PWWP2A: variants seen among roughly 807,000 people sequenced by gnomAD.
PWWP2A encodes the protein PWWP domain-containing protein 2A.
Under a neutral mutation model 48.5 loss-of-function variants are expected in PWWP2A, and 18 were observed. That is an observed-to-expected ratio of 0.37 (90% CI 0.26 to 0.55). The LOEUF is 0.55. Among genes scored for constraint, PWWP2A ranks in the 20% least tolerant of loss-of-function variants. PWWP2A has a pLI of 0.81. For missense variants in PWWP2A, 867 were observed against 976.4 expected (o/e 0.89, Z 1.49); for synonymous variants, 396 against 387.7 (o/e 1.02, Z -0.25).
chr5:160,071,075 G>A (rs200630792), downstream of PWWP2A, among the ~76,000 whole-genome samples: 4 of 152,174 alleles, frequency 2.6e-5, no homozygotes, highest in African/African-American at 7.2e-5. Context: ...TGTAGTCCCA[G>A]CTACTTAGGA....
chr5:160,054,108 C>A, the PWWP2A span, among the ~76,000 whole-genome samples: 1 of 152,044 alleles, frequency 6.6e-6, no homozygotes, highest in Non-Finnish European at 1.5e-5. Context: ...TGGTCCTTTT[C>A]TCTGGGATAA....
At chr5:160,051,106 C>A in the PWWP2A span, 1 of 1,533,324 alleles carries the variant, frequency 6.5e-7, no homozygotes, top group Non-Finnish European at 8.8e-7. Context: ...TTTACCAACC[C>A]TTGTTTCTCC....
intron 1 of PWWP2A, among the ~76,000 whole-genome samples, chr5:160,111,024 A>G (rs1404034201): frequency 4.0e-5 from 6 of 151,066 alleles, no homozygotes; most frequent in African/African-American, 1.5e-4. Flanking sequence ...TATTTTGCCT[A>G]TAATAATCAC....
chr5:160,110,306 A>T (rs1757428264), intron 1 of PWWP2A, among the ~76,000 whole-genome samples: 1 of 152,068 alleles, frequency 6.6e-6, no homozygotes, highest in Non-Finnish European at 1.5e-5. Flanking sequence ...CAACAGTCTG[A>T]CATTTTAACA....
chr5:160,063,216 C>A (rs575983704), intron 5 of PWWP2A, among the ~76,000 whole-genome samples: 24 of 152,276 alleles, frequency 1.6e-4, no homozygotes, highest in South Asian at 4.1e-4. Context: ...TTAGGGAGGC[C>A]TGTAAAATGT....
chr5:160,047,758 CT>C, the PWWP2A span, among the ~76,000 whole-genome samples: 1 of 152,198 alleles, frequency 6.6e-6, no homozygotes, highest in Admixed American at 6.5e-5. Context: ...GTTGGTCCCT[CT>C]TCCTGGCACG....
intron 1 of PWWP2A, among the ~76,000 whole-genome samples, chr5:160,100,525 G>C (rs1756162561): frequency 6.6e-6 from 1 of 152,146 alleles, no homozygotes; most frequent in Non-Finnish European, 1.5e-5. Flanking sequence ...CCTGCACTTT[G>C]GGAGGCCAAG....
chr5:160,072,578 T>C (rs916892971), downstream of PWWP2A, among the ~76,000 whole-genome samples: 7 of 152,024 alleles, frequency 4.6e-5, no homozygotes, highest in Admixed American at 3.9e-4. Flanking sequence ...AATACTTTTT[T>C]TGTTAGCTCG....
chr5:160,046,987 G>A, the PWWP2A span, among the ~76,000 whole-genome samples: 1 of 152,124 alleles, frequency 6.6e-6, no homozygotes, highest in Non-Finnish European at 1.5e-5. Flanking sequence ...ACTCCAGCCT[G>A]GGTGACAGAG....
chr5:160,093,998 T>C lies in PWWP2A; in HGVS notation c.652A>G (p.Met218Val). Reference protein sequence around the residue: ...KREYKDKPEAMPLQSNTFQEG... With the variant: ...KREYKDKPEAVPLQSNTFQEG... Reference sequence around the variant, plus strand: ...TGGAATGTATTACTTTGGAGCGGCATGGCTTCTGGTTTATCCTTATATTCC... The same window carrying C: ...TGGAATGTATTACTTTGGAGCGGCACGGCTTCTGGTTTATCCTTATATTCC... Residue 218 changes from methionine (M) to valine (V), a missense_variant, in exon 2 of 2, where the codon ATG (methionine) becomes GTG (valine). By Grantham distance (21) the Met-to-Val change is conservative (BLOSUM62 1). Coordinates refer to ENST00000307063, the MANE Select transcript of PWWP2A (RefSeq NM_001130864.2). This position sits in a 1 kb window ranked among gnomAD's most constrained non-coding sequence, Gnocchi z 5.8. The C allele has an allele frequency of 1.9e-6, 3 of 1,614,048 alleles. No individual in the cohort carries two copies. The highest frequency in any genetic ancestry group is 1.3e-5 in the African/African-American group (1 of 75,068).
Position 160,093,914 on chromosome 5 carries a change from C to T in PWWP2A, c.736G>A (p.Val246Ile), listed in dbSNP as rs151063519. 2.8e-4 allele frequency: 449 copies of T among 1,614,046 alleles called. 5 individuals carry two copies. The African/African-American group carries it at 5.1e-3, about 18-fold the overall frequency. The change falls in exon 2 of 2, where the codon GTC becomes ATC. Residue 246 changes from valine (V) to isoleucine (I), a missense_variant. By Grantham distance (29) the Val-to-Ile change is conservative (BLOSUM62 3). This residue lies in a region of PWWP2A where 385 missense variants were observed against 396.9 expected (regional missense o/e 0.97). Transcript: ENST00000307063. The surrounding 1 kb of genome is among the most constrained non-coding windows in gnomAD (Gnocchi z 5.8). ...GCCAAGCTCAGCTCGGGATGCGGGA[C>T]AGGAGAAGGGTCATCGGGAACAGCA... Reference protein sequence around the residue: ...NGAVPDDPSPVPHPELSLAES... With the variant: ...NGAVPDDPSPIPHPELSLAES...
At position 160,066,296 on chromosome 5, in the gene PWWP2A, A is replaced by ATTTTTTTTTTTTTTT. The variant is rs59262456; in HGVS notation, c.*236+237_*236+251dup. On this transcript the variant is annotated intron_variant and NMD_transcript_variant, in intron 4 of 5. Transcript: ENST00000524050. Reference sequence around the variant, plus strand: ...AGCATTATGCTAGAAAGTGGTTCTCATTTTTTTTTTTTTTTTTTTGAGGGG... The same window carrying ATTTTTTTTTTTTTTT: ...AGCATTATGCTAGAAAGTGGTTCTCATTTTTTTTTTTTTTTTTTTTTTTTTTTTTTTTTTGAGGGG... Among the ~76,000 whole-genome samples the ATTTTTTTTTTTTTTT allele has an allele frequency of 1.4e-3, 136 of 94,766 alleles. 20 individuals carry two copies. Among genetic ancestry groups the ATTTTTTTTTTTTTTT allele is most frequent in the East Asian group, 2.8e-3 (9 of 3,168 alleles). 62.2% of individuals were successfully genotyped at this position (94,766 alleles called of 152,430 possible).
chr5:160,105,400 C>T (rs1290400977), intron 1 of PWWP2A, among the ~76,000 whole-genome samples: 4 of 149,494 alleles, frequency 2.7e-5, no homozygotes, highest in African/African-American at 7.4e-5. Context: ...TAGCCGGGCA[C>T]GGAGGCACAC....
At chr5:160,108,999 C>A (rs536261164) in intron 1 of PWWP2A, among the ~76,000 whole-genome samples, 1 of 151,904 alleles carries the variant, frequency 6.6e-6, no homozygotes, top group Non-Finnish European at 1.5e-5. Flanking sequence ...TATTTTTTGT[C>A]TTCAGATAGA....
chr5:160,088,900 T>C (rs1754848420), downstream of PWWP2A, among the ~76,000 whole-genome samples: 1 of 152,204 alleles, frequency 6.6e-6, no homozygotes, highest in South Asian at 2.1e-4. Flanking sequence ...ACATAAGCAA[T>C]TTTTAGAAAA....
chr5:160,073,004 CAAAAAAAAAAAAA>C (rs35836307), downstream of PWWP2A, among the ~76,000 whole-genome samples: 7 of 58,858 alleles, frequency 1.2e-4, no homozygotes, highest in South Asian at 8.8e-4. Context: ...GGCTCCGTCT[CAAAAAAAAAAAAA>C]AAAAAAAAAA....
chr5:160,053,611 G>A, the PWWP2A span, among the ~76,000 whole-genome samples: 106,335 of 152,110 alleles, frequency 0.7, 37,398 homozygotes, highest in African/African-American at 0.79. Context: ...GCCTATGCCT[G>A]TAGCTTTTGT....
At chr5:160,116,370 TGCTTCA>T (rs1470396581) in intron 1 of PWWP2A, among the ~76,000 whole-genome samples, 1 of 152,082 alleles carries the variant, frequency 6.6e-6, no homozygotes, top group Non-Finnish European at 1.5e-5. Context: ...GCAAGAGAAT[TGCTTCA>T]GCCCGGGAGG....
Position 160,093,319 on chromosome 5 carries a change from T to C in PWWP2A, c.1331A>G (p.Asn444Ser), listed in dbSNP as rs938479310. 1.2e-6 allele frequency: 2 copies of C among 1,613,878 alleles called. No individual in the cohort carries two copies. Among genetic ancestry groups the C allele is most frequent in the South Asian group, 1.1e-5 (1 of 91,074 alleles). ...TGCATTTTTGGAAGTAGAGGTTTCA[T>C]TTTGCTTCTTTTGTGCCTTTTCTTT... is the stretch of plus-strand genomic sequence containing the variant. ...IAKEKAQKKQ[N>S]ETSTSKNAHS... Residue 444 changes from asparagine to serine, a missense_variant, in exon 2 of 2, where the codon AAT becomes AGT. By Grantham distance (46) the Asn-to-Ser change is conservative. Transcript: ENST00000307063. This position sits in a 1 kb window ranked among gnomAD's most constrained non-coding sequence, Gnocchi z 5.8.
Sources: gnomAD v4.1 joint callset for allele counts (sites outside exome capture counted in the v4.1 genomes callset) on GRCh38, gnomAD v4.1.1 for gene constraint, gnomAD v4.1.1 regional missense constraint, Gnocchi (gnomAD v3.1) non-coding constraint, MANE v1.5 for transcripts, NCBI Gene and HGNC (gene_info 2026-07-23, HGNC 2026-07-21) for gene names.